The following SGCD variants were observed in gnomAD, a reference collection of about 807,000 sequenced individuals.
SGCD encodes sarcoglycan delta.
SGCD carries 18 observed loss-of-function variants against 36.6 expected under a neutral mutation model. The observed-to-expected ratio is 0.49, with a 90% CI of 0.34 to 0.73. The LOEUF (loss-of-function observed/expected upper bound fraction) is 0.73. Ranked by LOEUF, SGCD falls within the 30% of genes least tolerant of loss-of-function variation. The pLI is 0.01. For synonymous variants in SGCD, 133 were observed against 130.6 expected (o/e 1.02, Z -0.12); for missense variants, 387 against 346.7 (o/e 1.12, Z -0.92).
chr5:156,091,217 G>T (rs1368897312), intron 1 of SGCD, among the ~76,000 whole-genome samples: 1 of 152,196 alleles, frequency 6.6e-6, no homozygotes, highest in South Asian at 2.1e-4. Flanking sequence ...GTAAACATAG[G>T]TGTAAGAAAT....
At chr5:156,601,140 T>C (rs922213791) in intron 6 of SGCD, among the ~76,000 whole-genome samples, 3 of 152,218 alleles carry the variant, frequency 2.0e-5, no homozygotes, top group African/African-American at 2.4e-5. Context: ...AAAAGCTTTT[T>C]AGTTTTATGT....
chr5:156,482,177 TG>T (rs1755460309), intron 3 of SGCD, among the ~76,000 whole-genome samples: 1 of 152,114 alleles, frequency 6.6e-6, no homozygotes, highest in Admixed American at 6.5e-5. Context: ...TCTAGTGCTA[TG>T]GGGTAAAGCA....
chr5:156,456,641 T>C (rs1306651388), intron 3 of SGCD, among the ~76,000 whole-genome samples: 1 of 152,206 alleles, frequency 6.6e-6, no homozygotes, highest in Admixed American at 6.5e-5. Flanking sequence ...AAAAAAAATC[T>C]CTGGGATTAC....
At chr5:156,530,777 C>T (rs902818466) in intron 4 of SGCD, among the ~76,000 whole-genome samples, 2 of 151,808 alleles carry the variant, frequency 1.3e-5, no homozygotes, top group Admixed American at 6.6e-5. Flanking sequence ...GATGGGTTTC[C>T]CCATGTTGGC....
At chr5:155,876,565 C>T (rs1477472872) in intron 1 of SGCD, among the ~76,000 whole-genome samples, 1 of 151,822 alleles carries the variant, frequency 6.6e-6, no homozygotes, top group African/African-American at 2.4e-5. Flanking sequence ...ACCTTTTGAC[C>T]TTAGAAGCAA....
intron 1 of SGCD, among the ~76,000 whole-genome samples, chr5:155,965,633 TC>T (rs768240042): frequency 9.2e-5 from 14 of 152,074 alleles, no homozygotes; most frequent in Non-Finnish European, 1.8e-4. Context: ...GTGCAGTTAC[TC>T]CCTGGTGCTG....
intron 3 of SGCD, among the ~76,000 whole-genome samples, chr5:156,317,013 G>T (rs1767533858): frequency 6.6e-6 from 1 of 151,984 alleles, no homozygotes; most frequent in East Asian, 1.9e-4. Flanking sequence ...CAATGAGTCT[G>T]GTCTGTAAAT....
At chr5:156,416,626 C>T (rs927480978) in intron 3 of SGCD, among the ~76,000 whole-genome samples, 3 of 152,240 alleles carry the variant, frequency 2.0e-5, no homozygotes, top group Admixed American at 2.0e-4. Flanking sequence ...ATGACAAGTC[C>T]TGTGTTATAT....
At chr5:156,695,138 T>TGTG (rs1561861645) in intron 7 of SGCD, among the ~76,000 whole-genome samples, 1 of 145,816 alleles carries the variant, frequency 6.9e-6, no homozygotes, top group African/African-American at 2.5e-5. Context: ...GTGTGTGTGT[T>TGTG]TGTGTGTGTG....
intron 3 of SGCD, among the ~76,000 whole-genome samples, chr5:156,482,874 G>C (rs1309889752): frequency 8.0e-6 from 1 of 124,310 alleles, no homozygotes; most frequent in Non-Finnish European, 1.6e-5. Context: ...GAATTGTTTA[G>C]GGTGGGGTTT....
intron 3 of SGCD, among the ~76,000 whole-genome samples, chr5:156,250,925 AGCAGGG>A (rs1173767884): frequency 6.6e-6 from 1 of 152,210 alleles, no homozygotes; most frequent in Non-Finnish European, 1.5e-5. Flanking sequence ...GACACGTAAA[AGCAGGG>A]GCTTGAAAAC....
chr5:156,159,288 T>C (rs1763033854), intron 3 of SGCD, among the ~76,000 whole-genome samples: 2 of 151,672 alleles, frequency 1.3e-5, no homozygotes, highest in Non-Finnish European at 2.9e-5. Context: ...AGAACAAAAT[T>C]ACGTAGATTT....
intron 1 of SGCD, among the ~76,000 whole-genome samples, chr5:155,914,154 C>T (rs1013600671): frequency 5.9e-5 from 9 of 152,116 alleles, no homozygotes; most frequent in Admixed American, 2.0e-4. Context: ...TCATGCCTTT[C>T]ACAGTGTTGT....
intron 7 of SGCD, among the ~76,000 whole-genome samples, chr5:156,704,746 C>G (rs1754671728): frequency 6.6e-6 from 1 of 152,010 alleles, no homozygotes; most frequent in Non-Finnish European, 1.5e-5. Flanking sequence ...AAATTTTGGT[C>G]TAAACTGTAT....
At chr5:156,618,427 A>G (rs1201581627) in intron 6 of SGCD, among the ~76,000 whole-genome samples, 1 of 152,164 alleles carries the variant, frequency 6.6e-6, no homozygotes, top group Non-Finnish European at 1.5e-5. Context: ...GTTCCCATAA[A>G]TAATGCAGCA....
At chr5:155,926,493 T>C (rs748530716) in intron 1 of SGCD, among the ~76,000 whole-genome samples, 2 of 152,218 alleles carry the variant, frequency 1.3e-5, no homozygotes, top group East Asian at 3.9e-4. Flanking sequence ...TTTAATTATA[T>C]TGGTGGAACA....
chr5:156,465,894 T>C (rs1754700655), intron 3 of SGCD, among the ~76,000 whole-genome samples: 1 of 152,212 alleles, frequency 6.6e-6, no homozygotes. Context: ...AGGCTAGCAG[T>C]CTCTTGTACT....
chr5:156,490,532 A>C (rs891092425), intron 3 of SGCD, among the ~76,000 whole-genome samples: 1 of 152,022 alleles, frequency 6.6e-6, no homozygotes, highest in Non-Finnish European at 1.5e-5. Context: ...TATCCCAGGG[A>C]TTACAAGGAT....
the SGCD span, among the ~76,000 whole-genome samples, chr5:155,842,639 G>A: frequency 6.6e-6 from 1 of 152,048 alleles, no homozygotes; most frequent in African/African-American, 2.4e-5. Context: ...ATGCTTGTTG[G>A]TGTCTAGTGG....
Sources: gnomAD v4.1 joint callset for allele counts (sites outside exome capture counted in the v4.1 genomes callset) on GRCh38, gnomAD v4.1.1 for gene constraint, MANE v1.5 for transcripts, NCBI Gene and HGNC (gene_info 2026-07-23, HGNC 2026-07-21) for gene names.